The following GABBR2 variants were observed in gnomAD, a reference collection of about 807,000 sequenced individuals.
GABBR2 encodes the protein gamma-aminobutyric acid type B receptor subunit 2, also known as G-protein coupled receptor 51.
In GABBR2, 23 loss-of-function variants were observed where a neutral mutation model predicts 105.6. The observed-to-expected ratio is 0.22, with a 90% CI of 0.16 to 0.31. GABBR2 has a LOEUF of 0.31. Ranked by LOEUF, GABBR2 falls within the 10% of genes least tolerant of loss-of-function variation. The pLI is 1.00. For missense variants in GABBR2, 734 were observed against 1,245.5 expected, an observed-to-expected ratio of 0.59 and a Z score of 6.18; for synonymous variants, 478 against 499.7, an observed-to-expected ratio of 0.96 and a Z score of 0.58.
chr9:98,669,412 A>G (rs1830379525), intron 1 of GABBR2, among the ~76,000 whole-genome samples: 1 of 152,180 alleles, frequency 6.6e-6, no homozygotes, highest in Non-Finnish European at 1.5e-5. Context: ...TTGTTCTGAC[A>G]TTTAAACTTT....
intron 6 of GABBR2, among the ~76,000 whole-genome samples, chr9:98,462,247 C>A (rs1457550725): frequency 6.6e-6 from 1 of 152,102 alleles, no homozygotes; most frequent in Non-Finnish European, 1.5e-5. Flanking sequence ...TTCTCCCCAT[C>A]CTGAAAATGC....
chr9:98,573,258 T>C (rs140454462), intron 2 of GABBR2, among the ~76,000 whole-genome samples: 13 of 152,318 alleles, frequency 8.5e-5, no homozygotes, highest in South Asian at 2.1e-4. Flanking sequence ...GACTGGCATA[T>C]AGAACAAATT....
chr9:98,473,082 G>GC, intron 6 of GABBR2, 64 bp downstream of exon 6: 1 of 1,246,884 alleles, frequency 8.0e-7, no homozygotes, highest in Non-Finnish European at 1.2e-6. Flanking sequence ...TTTGGCCAAT[G>GC]TCATCAGACA....
Position 98,306,088 on chromosome 9 carries a change from G to GCAGAGGC in GABBR2, c.2229+26_2229+32dup. ...AATGCCCCTGTGCTGGAGTCAGAGG[G>GCAGAGGC]CAGAGGCCAGGTGGTGGGGCCAGCG... On this transcript the variant is annotated intron_variant, in intron 15 of 18. Coordinates refer to ENST00000259455, the MANE Select transcript of GABBR2 (RefSeq NM_005458.8). The surrounding 1 kb of genome is among the most constrained non-coding windows in gnomAD (Gnocchi z 5.4). 2.0e-6 allele frequency: 3 copies of GCAGAGGC among 1,477,486 alleles called. No homozygotes were observed. Among genetic ancestry groups the GCAGAGGC allele is most frequent in the Non-Finnish European group, 2.8e-6 (3 of 1,058,580 alleles). 91.5% of individuals were successfully genotyped at this position (1,477,486 alleles called of 1,614,324 possible).
At chr9:98,578,240 G>C (rs1033382894) in intron 1 of GABBR2, among the ~76,000 whole-genome samples, 168 bp from the exon 2 acceptor site, 1 of 152,156 alleles carries the variant, frequency 6.6e-6, no homozygotes, top group African/African-American at 2.4e-5. Context: ...AGCTCCAGGA[G>C]TGTGGTCTTG....
chr9:98,288,576 T>G lies in GABBR2; in HGVS notation c.*2008A>C, dbSNP rs1465304488. On this transcript the variant is annotated 3_prime_UTR_variant, in exon 19 of 19. Coordinates refer to ENST00000259455, the MANE Select transcript of GABBR2 (RefSeq NM_005458.8). ...GTGTGTATACATTATGTACAATTAA[T>G]TGTCTCTTTCCCTTTGAAAAATTAA... is the stretch of plus-strand genomic sequence containing the variant. 1 of 152,576 alleles carries G rather than the reference T, an allele frequency of 6.6e-6. No homozygotes were observed. The highest frequency in any genetic ancestry group is 1.5e-5 in the Non-Finnish European group (1 of 68,046). 9.5% of individuals were successfully genotyped at this position (152,576 alleles called of 1,614,324 possible).
intron 7 of GABBR2, among the ~76,000 whole-genome samples, chr9:98,420,646 G>A: frequency 6.6e-6 from 1 of 152,180 alleles, no homozygotes; most frequent in Non-Finnish European, 1.5e-5. Context: ...ATTGGCAGAG[G>A]GCCTGGGCTG....
intron 1 of GABBR2, among the ~76,000 whole-genome samples, chr9:98,652,914 C>G (rs1447018856): frequency 4.6e-5 from 7 of 152,248 alleles, no homozygotes; most frequent in Admixed American, 3.9e-4. Flanking sequence ...CACACCAGTG[C>G]CAGGCCCCAT....
At chr9:98,508,244 A>G (rs1695919020) in intron 3 of GABBR2, among the ~76,000 whole-genome samples, 1 of 152,256 alleles carries the variant, frequency 6.6e-6, no homozygotes, top group African/African-American at 2.4e-5. Flanking sequence ...ACCTGAGAGC[A>G]CCAAAGCAAG....
chr9:98,573,057 C>T (rs1296107182), intron 2 of GABBR2, among the ~76,000 whole-genome samples: 1 of 152,196 alleles, frequency 6.6e-6, no homozygotes. Flanking sequence ...ACAGTCAGGG[C>T]CACACTGTGA....
chr9:98,595,682 TAA>T (rs1473152922), intron 1 of GABBR2, among the ~76,000 whole-genome samples: 1 of 135,506 alleles, frequency 7.4e-6, no homozygotes, highest in Admixed American at 7.6e-5. Context: ...ACAAAAAAAC[TAA>T]AGAGAAATCA....
intron 11 of GABBR2, among the ~76,000 whole-genome samples, chr9:98,373,874 T>C (rs1222328659): frequency 2.0e-5 from 3 of 147,656 alleles, no homozygotes; most frequent in Non-Finnish European, 4.5e-5. Flanking sequence ...TTTTTTTTTT[T>C]TGAGATGAGA....
chr9:98,657,684 G>A (rs4743247), intron 1 of GABBR2, among the ~76,000 whole-genome samples: 141,803 of 152,384 alleles, frequency 0.93, 66,120 homozygotes, highest in African/African-American at 0.97. Context: ...CCAAAATCTC[G>A]TCTTGAATTA....
chr9:98,415,882 GA>G (rs1439233195), intron 7 of GABBR2, among the ~76,000 whole-genome samples: 1 of 152,168 alleles, frequency 6.6e-6, no homozygotes, highest in African/African-American at 2.4e-5. Context: ...CTGTTTGCGA[GA>G]AGGAGTCATT....
intron 1 of GABBR2, among the ~76,000 whole-genome samples, chr9:98,632,993 T>C (rs986143920): frequency 3.9e-5 from 6 of 152,178 alleles, no homozygotes; most frequent in Non-Finnish European, 7.3e-5. Flanking sequence ...TAGCTAGTGG[T>C]GTGCTGGTAA....
chr9:98,396,252 G>T (rs116580206), intron 8 of GABBR2, among the ~76,000 whole-genome samples: 1 of 152,176 alleles, frequency 6.6e-6, no homozygotes, highest in East Asian at 1.9e-4. Context: ...AAGTGCAGGC[G>T]GGTCCCTTCC....
intron 13 of GABBR2, among the ~76,000 whole-genome samples, chr9:98,349,343 A>G (rs1257752511): frequency 1.1e-4 from 4 of 35,554 alleles, no homozygotes; most frequent in East Asian, 5.7e-4. Context: ...ATTTTGTTGA[A>G]GTTTTGTTTT....
chr9:98,368,569 C>T (rs1039069268), intron 12 of GABBR2, among the ~76,000 whole-genome samples: 4 of 152,224 alleles, frequency 2.6e-5, no homozygotes, highest in African/African-American at 9.6e-5. Flanking sequence ...AACTGAACTC[C>T]TGCCGTTTTC....
intron 6 of GABBR2, among the ~76,000 whole-genome samples, chr9:98,465,399 A>C (rs1826528051): frequency 6.6e-6 from 1 of 152,236 alleles, no homozygotes; most frequent in African/African-American, 2.4e-5. Context: ...TTTCAGGTTA[A>C]TTATAGATCT....
Sources: allele counts gnomAD v4.1 joint callset (sites outside exome capture counted in the v4.1 genomes callset), GRCh38; gene constraint gnomAD v4.1.1; non-coding constraint Gnocchi (gnomAD v3.1); transcripts MANE v1.5; gene names NCBI Gene and HGNC (gene_info 2026-07-23, HGNC 2026-07-21).